Variants in STXBP5L observed in about 807,000 individuals in gnomAD.
STXBP5L encodes syntaxin-binding protein 5-like.
Under a neutral mutation model 144.5 loss-of-function variants are expected in STXBP5L, and 65 were observed. The ratio of observed to expected loss-of-function variants is 0.45; its 90% CI spans 0.37 to 0.55. The LOEUF is 0.55. STXBP5L is among the 20% of genes least tolerant of loss of function. The pLI is 0.00. For missense variants in STXBP5L, 1,298 were observed against 1,405.5 expected (o/e 0.92, Z 1.22); for synonymous variants, 505 against 469.6 (o/e 1.08, Z -0.97).
chr3:121,376,061 T>C (rs2046174368), intron 20 of STXBP5L, among the ~76,000 whole-genome samples: 2 of 152,240 alleles, frequency 1.3e-5, no homozygotes, highest in African/African-American at 4.8e-5. Flanking sequence ...GTGAGTAGTT[T>C]TATACTCTGG....
intron 5 of STXBP5L, among the ~76,000 whole-genome samples, chr3:121,059,415 C>A (rs1282035341): frequency 6.6e-6 from 1 of 152,112 alleles, no homozygotes; most frequent in Non-Finnish European, 1.5e-5. Context: ...ATGGTGCCTC[C>A]AGCTTTGTTC....
intron 3 of STXBP5L, among the ~76,000 whole-genome samples, chr3:120,993,501 G>A (rs186631907): frequency 1.0e-3 from 159 of 152,132 alleles, no homozygotes; most frequent in African/African-American, 3.7e-3. Flanking sequence ...AGATTTAGGG[G>A]TCTAGTTTCA....
intron 9 of STXBP5L, among the ~76,000 whole-genome samples, chr3:121,187,985 A>G (rs756454816): frequency 1.1e-4 from 16 of 152,230 alleles, no homozygotes; most frequent in Non-Finnish European, 2.2e-4. Context: ...AGAAGAGCTA[A>G]CTATCTTAAA....
intron 3 of STXBP5L, among the ~76,000 whole-genome samples, chr3:121,039,466 A>T (rs1946989476): frequency 6.6e-6 from 1 of 151,802 alleles, no homozygotes; most frequent in South Asian, 2.1e-4. Flanking sequence ...TTTTTGCTTT[A>T]AACAGTAAAT....
At chr3:121,103,710 G>C (rs1320618754) in intron 5 of STXBP5L, among the ~76,000 whole-genome samples, 1 of 152,068 alleles carries the variant, frequency 6.6e-6, no homozygotes, top group African/African-American at 2.4e-5. Flanking sequence ...AGACAGTATA[G>C]AGAATATAAA....
chr3:121,253,941 C>T (rs745677922), intron 15 of STXBP5L, among the ~76,000 whole-genome samples: 72 of 151,892 alleles, frequency 4.7e-4, no homozygotes, highest in Admixed American at 9.2e-4. Context: ...GCGTGAGCCA[C>T]TGCGCCCGGC....
At chr3:121,191,828 C>G (rs1455263865) in intron 9 of STXBP5L, among the ~76,000 whole-genome samples, 3 of 151,740 alleles carry the variant, frequency 2.0e-5, no homozygotes, top group Admixed American at 6.6e-5. Context: ...AACCATCACT[C>G]AGCAAATTAT....
At chr3:121,158,478 C>T (rs1355141176) in intron 9 of STXBP5L, 1 of 152,136 alleles carries the variant, frequency 6.6e-6, no homozygotes, top group African/African-American at 2.4e-5. Context: ...GTTTGTCTGC[C>T]ATTTTTTTGT....
At chr3:121,090,526 A>T (rs1038973716) in intron 5 of STXBP5L, among the ~76,000 whole-genome samples, 1 of 152,164 alleles carries the variant, frequency 6.6e-6, no homozygotes, top group Non-Finnish European at 1.5e-5. Context: ...AGACTTCCAT[A>T]CCTCTGCCAG....
intron 3 of STXBP5L, among the ~76,000 whole-genome samples, chr3:120,968,703 CT>C (rs1386694635): frequency 1.3e-5 from 2 of 152,106 alleles, no homozygotes; most frequent in Non-Finnish European, 2.9e-5. Flanking sequence ...AATATATAGT[CT>C]TTTATCCCTC....
chr3:121,279,678 A>T, intron 18 of STXBP5L, 127 bp from the exon 19 acceptor site: 1 of 1,077,448 alleles, frequency 9.3e-7, no homozygotes, highest in Non-Finnish European at 1.4e-6. Flanking sequence ...TCTTGACTTT[A>T]CACAAATCAC....
intron 3 of STXBP5L, among the ~76,000 whole-genome samples, chr3:120,989,526 G>T (rs577500084): frequency 3.3e-5 from 5 of 152,192 alleles, no homozygotes; most frequent in African/African-American, 1.2e-4. Context: ...TGTAGATTCT[G>T]CATGTGACTT....
intron 9 of STXBP5L, among the ~76,000 whole-genome samples, chr3:121,186,846 A>T (rs987644857): frequency 2.0e-5 from 3 of 152,184 alleles, no homozygotes; most frequent in African/African-American, 7.2e-5. Context: ...GGGAAATGCA[A>T]ATCAAAACCA....
intron 3 of STXBP5L, among the ~76,000 whole-genome samples, chr3:121,038,603 A>G (rs1334024942): frequency 6.6e-6 from 1 of 152,042 alleles, no homozygotes; most frequent in East Asian, 1.9e-4. Context: ...ATAAATGCCA[A>G]TTGGGACAAG....
chr3:121,405,414 G>A (rs1353703084), intron 22 of STXBP5L, among the ~76,000 whole-genome samples: 1 of 151,968 alleles, frequency 6.6e-6, no homozygotes, highest in Admixed American at 6.6e-5. Flanking sequence ...TGAAGGCAGG[G>A]ACTTTTGTCT....
intron 3 of STXBP5L, among the ~76,000 whole-genome samples, chr3:121,009,217 G>A (rs1241319842): frequency 6.6e-6 from 1 of 151,950 alleles, no homozygotes; most frequent in African/African-American, 2.4e-5. Context: ...TGTCTCTTCA[G>A]TGGTAGATGT....
At position 120,922,578 on chromosome 3, in the gene STXBP5L, C is replaced by A. The variant is rs557923201; in HGVS notation, c.189+12811C>A. Among the ~76,000 whole-genome samples the A allele has an allele frequency of 2.0e-5, 3 of 152,106 alleles. No homozygotes were observed. In the South Asian group the frequency reaches 6.2e-4, roughly 32 times the overall value. ...GAAAGGCTTTCAAATTTTCCCTGTT[C>A]AGTATGATGGTACCTGTGGGTTTGT... On this transcript the variant is annotated intron_variant, in intron 2 of 26. Transcript: ENST00000471454.
chr3:120,989,647 C>G (rs963425725), intron 3 of STXBP5L, among the ~76,000 whole-genome samples: 1 of 152,070 alleles, frequency 6.6e-6, no homozygotes, highest in African/African-American at 2.4e-5. Context: ...TATGTTTCTG[C>G]ATTTCTCTTT....
chr3:120,979,368 C>G (rs1159476006), intron 3 of STXBP5L, among the ~76,000 whole-genome samples: 2 of 152,196 alleles, frequency 1.3e-5, no homozygotes, highest in African/African-American at 2.4e-5. Flanking sequence ...GGGATATAAT[C>G]TTCTGGTGCA....
Sources: gnomAD v4.1 joint callset for allele counts (sites outside exome capture counted in the v4.1 genomes callset) on GRCh38, gnomAD v4.1.1 for gene constraint, MANE v1.5 for transcripts, NCBI Gene and HGNC (gene_info 2026-07-23, HGNC 2026-07-21) for gene names.